PCDH15: variants seen among roughly 807,000 people sequenced by gnomAD.
PCDH15 encodes the protein protocadherin-15.
PCDH15 carries 129 observed loss-of-function variants against 178.5 expected under a neutral mutation model. That is an observed-to-expected ratio of 0.72 (90% confidence interval 0.63 to 0.84). PCDH15 has a LOEUF of 0.84. Among genes scored for constraint, PCDH15 ranks in the 40% least tolerant of loss-of-function variants. The pLI, the probability that PCDH15 is intolerant of heterozygous loss-of-function variation, is 0.00. For synonymous variants in PCDH15, 800 were observed against 732.0 expected (o/e 1.09, Z -1.50); for missense variants, 2,230 against 2,099.9 (o/e 1.06, Z -1.21).
chr10:54,306,658 G>C (rs951409984), intron 8 of PCDH15, among the ~76,000 whole-genome samples: 2 of 151,708 alleles, frequency 1.3e-5, no homozygotes, highest in Non-Finnish European at 2.9e-5. Context: ...ACAGATATCT[G>C]GGTACCATGT....
At chr10:55,514,397 T>G (rs1840959932) in intron 2 of PCDH15, among the ~76,000 whole-genome samples, 1 of 152,136 alleles carries the variant, frequency 6.6e-6, no homozygotes, top group Non-Finnish European at 1.5e-5. Context: ...CCTTTTGTTC[T>G]CCGAAAGTTT....
intron 3 of PCDH15, among the ~76,000 whole-genome samples, chr10:54,431,045 A>G (rs1589374839): frequency 6.6e-6 from 1 of 152,204 alleles, no homozygotes; most frequent in East Asian, 1.9e-4. Flanking sequence ...CATACAAGCT[A>G]CCAGAATAGA....
intron 1 of PCDH15, among the ~76,000 whole-genome samples, chr10:54,688,722 A>G (rs1245718622): frequency 6.6e-6 from 1 of 152,114 alleles, no homozygotes; most frequent in Non-Finnish European, 1.5e-5. Flanking sequence ...TTCCTACTTA[A>G]GAATCACAAA....
intron 26 of PCDH15, among the ~76,000 whole-genome samples, chr10:53,894,078 T>G (rs1478307535): frequency 6.6e-6 from 1 of 152,138 alleles, no homozygotes; most frequent in East Asian, 1.9e-4. Flanking sequence ...AAATAAAATT[T>G]TAAACAAACA....
chr10:55,561,605 G>A (rs1457373183), intron 2 of PCDH15, among the ~76,000 whole-genome samples: 1 of 151,766 alleles, frequency 6.6e-6, no homozygotes, highest in Non-Finnish European at 1.5e-5. Context: ...AATCCACTTA[G>A]TACATAAATA....
chr10:53,811,866 A>G (rs2075875810), intron 35 of PCDH15, among the ~76,000 whole-genome samples: 1 of 152,234 alleles, frequency 6.6e-6, no homozygotes, highest in Admixed American at 6.5e-5. Context: ...TGAAGAGGAA[A>G]AAGTAATTTT....
intron 2 of PCDH15, among the ~76,000 whole-genome samples, chr10:54,986,864 A>ACT: frequency 6.6e-6 from 1 of 152,298 alleles, no homozygotes; most frequent in South Asian, 2.1e-4. Context: ...TTATCAAGCA[A>ACT]TAATCTATAA....
At chr10:54,612,682 A>G (rs1314067702) in intron 2 of PCDH15, among the ~76,000 whole-genome samples, 1 of 151,762 alleles carries the variant, frequency 6.6e-6, no homozygotes, top group East Asian at 1.9e-4. Flanking sequence ...TATAAGAAAA[A>G]TAAAACTGGT....
intron 1 of PCDH15, among the ~76,000 whole-genome samples, chr10:54,692,128 A>T (rs2095133055): frequency 6.6e-6 from 1 of 152,154 alleles, no homozygotes; most frequent in Non-Finnish European, 1.5e-5. Flanking sequence ...CTTGTAGTGT[A>T]TCATAGCTCT....
intron 2 of PCDH15, among the ~76,000 whole-genome samples, chr10:55,082,094 G>C (rs989564293): frequency 6.6e-6 from 1 of 152,130 alleles, no homozygotes; most frequent in African/African-American, 2.4e-5. Flanking sequence ...GATATTTATA[G>C]AACATTTCAT....
At chr10:54,062,253 C>CAAAAAAAAAAAAAAAAAA (rs769054605) in intron 18 of PCDH15, among the ~76,000 whole-genome samples, 2 of 75,844 alleles carry the variant, frequency 2.6e-5, no homozygotes, top group Non-Finnish European at 5.1e-5. Context: ...AAAAAAAAAA[C>CAAAAAAAAAAAAAAAAAA]AAAAAACAAC....
intron 5 of PCDH15, among the ~76,000 whole-genome samples, chr10:54,350,124 T>C (rs922626966): frequency 1.3e-5 from 2 of 152,186 alleles, no homozygotes; most frequent in African/African-American, 2.4e-5. Context: ...TTAAGGTCTT[T>C]TTTAGACAAA....
rs191537788 is a variant in PCDH15 at position 54,590,799 on chromosome 10, A to C, written c.92-62922T>G. Among the ~76,000 whole-genome samples, 6 of 152,274 alleles carry C rather than the reference A, an allele frequency of 3.9e-5. No homozygotes were observed. In the East Asian group the frequency reaches 1.2e-3, roughly 29 times the overall value. On this transcript the variant is annotated intron_variant, in intron 2 of 37. Transcript: ENST00000644397. ...AAAGCATTTTGCACCCTCTAAATCC[A>C]TACATTTACATGTGACTTCCCTGTA...
intron 3 of PCDH15, among the ~76,000 whole-genome samples, chr10:54,496,167 C>A (rs1589714825): frequency 6.6e-6 from 1 of 152,096 alleles, no homozygotes; most frequent in East Asian, 1.9e-4. Context: ...TTCTTCTTTT[C>A]TTCTTCACTA....
At chr10:54,296,638 A>G (rs951374446) in intron 8 of PCDH15, among the ~76,000 whole-genome samples, 3 of 152,156 alleles carry the variant, frequency 2.0e-5, no homozygotes, top group African/African-American at 4.8e-5. Context: ...TCAGAAAGAC[A>G]TAATTTTTGC....
At chr10:54,980,744 A>C (rs937970243) in intron 2 of PCDH15, among the ~76,000 whole-genome samples, 1 of 152,006 alleles carries the variant, frequency 6.6e-6, no homozygotes, top group African/African-American at 2.4e-5. Context: ...TCATAATTTA[A>C]ATTGATTTTT....
intron 2 of PCDH15, among the ~76,000 whole-genome samples, chr10:54,990,646 C>G (rs538726199): frequency 6.6e-6 from 1 of 152,028 alleles, no homozygotes; most frequent in Non-Finnish European, 1.5e-5. Context: ...TTATATAAAC[C>G]ATCATTGCAA....
chr10:54,288,158 C>T (rs1179410310), intron 8 of PCDH15, among the ~76,000 whole-genome samples: 4 of 151,836 alleles, frequency 2.6e-5, no homozygotes, highest in Non-Finnish European at 5.9e-5. Flanking sequence ...CCCATCTCTA[C>T]CAAAAACACA....
At chr10:54,528,209 A>T (rs1237642448) in intron 2 of PCDH15, among the ~76,000 whole-genome samples, 1 of 152,030 alleles carries the variant, frequency 6.6e-6, no homozygotes, top group Non-Finnish European at 1.5e-5. Flanking sequence ...GATGATTAAC[A>T]AGGATAAATT....
Sources: allele counts gnomAD v4.1 joint callset (sites outside exome capture counted in the v4.1 genomes callset), GRCh38; gene constraint gnomAD v4.1.1; transcripts MANE v1.5; gene names NCBI Gene and HGNC (gene_info 2026-07-23, HGNC 2026-07-21).